Variants in PTPRN2 observed in about 807,000 individuals in gnomAD.
PTPRN2 encodes receptor-type tyrosine-protein phosphatase N2.
In PTPRN2, 74 loss-of-function variants were observed where a neutral mutation model predicts 118.8. The observed-to-expected ratio is 0.62, with a 90% CI of 0.52 to 0.76. PTPRN2 has a LOEUF of 0.76. Among genes scored for constraint, PTPRN2 ranks in the 30% least tolerant of loss-of-function variants. The probability of loss-of-function intolerance (pLI) is 0.00; values close to 1 mark genes in which losing one functional copy is unlikely to be tolerated. For synonymous variants in PTPRN2, 641 were observed against 608.0 expected (o/e 1.05, Z -0.80); for missense variants, 1,481 against 1,394.4 (o/e 1.06, Z -0.99).
At chr7:158,513,586 G>A (rs1320853890) in intron 1 of PTPRN2, among the ~76,000 whole-genome samples, 3 of 150,746 alleles carry the variant, frequency 2.0e-5, no homozygotes, top group Non-Finnish European at 4.4e-5. Flanking sequence ...AGTTATTTTA[G>A]TAAATCTAAA....
intron 11 of PTPRN2, among the ~76,000 whole-genome samples, chr7:157,930,899 G>GTT (rs141068776): frequency 6.0e-5 from 9 of 151,230 alleles, no homozygotes; most frequent in Admixed American, 3.9e-4. Flanking sequence ...ATTTTTTTTC[G>GTT]TTTTTTTTTG....
At chr7:157,778,035 A>T (rs1361512148) in intron 12 of PTPRN2, among the ~76,000 whole-genome samples, 1 of 152,096 alleles carries the variant, frequency 6.6e-6, no homozygotes, top group Non-Finnish European at 1.5e-5. Context: ...ACCAATTCAG[A>T]CAGGAACCAC....
At chr7:158,210,158 C>T (rs184173019) in intron 3 of PTPRN2, among the ~76,000 whole-genome samples, 4,134 of 107,216 alleles carry the variant, frequency 0.039, 115 homozygotes, top group Admixed American at 0.11. Flanking sequence ...TTTTTTGAGA[C>T]GGAGTCTCGC....
intron 2 of PTPRN2, among the ~76,000 whole-genome samples, chr7:158,475,734 G>T (rs1820206389): frequency 6.6e-6 from 1 of 152,170 alleles, no homozygotes; most frequent in African/African-American, 2.4e-5. Flanking sequence ...GAACTTCCAA[G>T]CCAAGGCACA....
chr7:158,197,057 T>C (rs1826268247), intron 4 of PTPRN2, among the ~76,000 whole-genome samples: 1 of 152,156 alleles, frequency 6.6e-6, no homozygotes, highest in South Asian at 2.1e-4. Context: ...TGCATGTGTA[T>C]CTCCTTTCAC....
chr7:158,244,466 T>C (rs544021574), intron 3 of PTPRN2, among the ~76,000 whole-genome samples: 1 of 152,180 alleles, frequency 6.6e-6, no homozygotes, highest in South Asian at 2.1e-4. Context: ...GCGTGTTTTG[T>C]GTGTGAGCTG....
At chr7:158,091,460 T>C (rs1456699015) in intron 10 of PTPRN2, among the ~76,000 whole-genome samples, 2 of 152,270 alleles carry the variant, frequency 1.3e-5, no homozygotes, top group Non-Finnish European at 2.9e-5. Flanking sequence ...TTCTGTAGAC[T>C]GTTTTTTGTT....
chr7:158,202,963 G>A (rs149490667), intron 4 of PTPRN2, among the ~76,000 whole-genome samples: 59 of 152,182 alleles, frequency 3.9e-4, no homozygotes, highest in Middle Eastern at 3.4e-3. Context: ...GCCAGATGTG[G>A]TGGCTCATGC....
chr7:158,327,398 C>A (rs1803720794), intron 2 of PTPRN2, among the ~76,000 whole-genome samples: 1 of 151,624 alleles, frequency 6.6e-6, no homozygotes, highest in Non-Finnish European at 1.5e-5. Context: ...CACACATGCT[C>A]ACACATGCTC....
At chr7:157,875,730 CA>C (rs1466700635) in intron 12 of PTPRN2, among the ~76,000 whole-genome samples, 1 of 151,876 alleles carries the variant, frequency 6.6e-6, no homozygotes, top group Non-Finnish European at 1.5e-5. Flanking sequence ...CAGGCATCCC[CA>C]GGGGGGCACG....
At chr7:158,367,440 C>T (rs538061128) in intron 2 of PTPRN2, among the ~76,000 whole-genome samples, 14 of 152,282 alleles carry the variant, frequency 9.2e-5, no homozygotes, top group South Asian at 2.1e-4. Context: ...GGAAAGGCCA[C>T]GGCCATCATG....
chr7:158,489,705 A>C, intron 2 of PTPRN2, 30 bp downstream of exon 2: 1 of 1,558,132 alleles, frequency 6.4e-7, no homozygotes, highest in South Asian at 1.2e-5. Context: ...GGGGCAGACC[A>C]GGGCGCAGCA....
intron 11 of PTPRN2, among the ~76,000 whole-genome samples, chr7:157,912,991 T>C (rs1276512345): frequency 6.6e-6 from 1 of 152,234 alleles, no homozygotes; most frequent in Non-Finnish European, 1.5e-5. Flanking sequence ...AGTTTTTGGA[T>C]TTTTGTTAAA....
At chr7:158,401,722 C>A (rs1308967312) in intron 2 of PTPRN2, among the ~76,000 whole-genome samples, 2 of 152,156 alleles carry the variant, frequency 1.3e-5, no homozygotes, top group Non-Finnish European at 1.5e-5. Context: ...ATTCCCGAGA[C>A]AAAATTTGAA....
intron 12 of PTPRN2, among the ~76,000 whole-genome samples, chr7:157,715,589 T>C (rs1225739322): frequency 6.6e-6 from 1 of 152,164 alleles, no homozygotes; most frequent in Non-Finnish European, 1.5e-5. Context: ...TGTAAGCTGA[T>C]CATAGCTCCA....
rs368294249 is a variant in PTPRN2 at position 157,612,506 on chromosome 7, C to G, written c.2345-8431G>C. Among the ~76,000 whole-genome samples the G allele has an allele frequency of 3.9e-5, 6 of 152,328 alleles. No homozygotes were observed. The East Asian group carries it at 9.6e-4, about 24-fold the overall frequency. ...CTTATCACCAGGACACAGGGTATCACCAGAAGAACAGCTCTGGCTTGTGGC... is the reference window on the plus strand; with the variant it reads ...CTTATCACCAGGACACAGGGTATCAGCAGAAGAACAGCTCTGGCTTGTGGC... On this transcript the variant is annotated intron_variant, in intron 15 of 22. Coordinates refer to ENST00000389418, the MANE Select transcript of PTPRN2 (RefSeq NM_002847.5).
intron 3 of PTPRN2, among the ~76,000 whole-genome samples, chr7:158,233,811 A>C (rs1436176037): frequency 6.6e-6 from 1 of 152,332 alleles, no homozygotes; most frequent in African/African-American, 2.4e-5. Context: ...TCCAGGTATA[A>C]ATTCACACGT....
chr7:157,835,549 G>C (rs190490951), intron 12 of PTPRN2, among the ~76,000 whole-genome samples: 16 of 152,304 alleles, frequency 1.1e-4, no homozygotes, highest in African/African-American at 3.8e-4. Context: ...AAGGATGGGG[G>C]AGAGTTTGCA....
chr7:157,803,253 C>G (rs571984695), intron 12 of PTPRN2, among the ~76,000 whole-genome samples: 4 of 152,334 alleles, frequency 2.6e-5, no homozygotes, highest in African/African-American at 9.6e-5. Context: ...GTGTGAGCCA[C>G]CACACCCAGC....
Sources: allele counts gnomAD v4.1 joint callset (sites outside exome capture counted in the v4.1 genomes callset), GRCh38; gene constraint gnomAD v4.1.1; transcripts MANE v1.5; gene names NCBI Gene and HGNC (gene_info 2026-07-23, HGNC 2026-07-21).